The following WDR20 variants were observed in gnomAD, a reference collection of about 807,000 sequenced individuals.
WDR20 encodes the protein WD repeat domain 20.
A neutral mutation model predicts 38.7 loss-of-function variants in WDR20; 3 were observed. The observed-to-expected ratio is 0.08, with a 90% CI of 0.04 to 0.20. The LOEUF (loss-of-function observed/expected upper bound fraction) is 0.20. WDR20 is among the 10% of genes least tolerant of loss of function. The pLI, the probability that WDR20 is intolerant of heterozygous loss-of-function variation, is 1.00. For synonymous variants in WDR20, 298 were observed against 285.6 expected (o/e 1.04, Z -0.44); for missense variants, 559 against 727.7 (o/e 0.77, Z 2.67).
intron 1 of WDR20, among the ~76,000 whole-genome samples, chr14:102,192,591 T>A (rs1415693008): frequency 6.6e-6 from 1 of 152,198 alleles, no homozygotes; most frequent in Non-Finnish European, 1.5e-5. Flanking sequence ...TACCAATAAC[T>A]GAAGCCATTA....
At chr14:102,223,999 A>G (rs2064144005), downstream of WDR20, among the ~76,000 whole-genome samples, 1 of 150,918 alleles carries the variant, frequency 6.6e-6, no homozygotes, top group Non-Finnish European at 1.5e-5. Flanking sequence ...GAGTATGAAC[A>G]TGGGACATGA....
intron 1 of WDR20, among the ~76,000 whole-genome samples, chr14:102,174,699 G>T (rs570014354): frequency 6.6e-6 from 1 of 152,292 alleles, no homozygotes; most frequent in South Asian, 2.1e-4. Flanking sequence ...GACTACAGGC[G>T]TGAGCCACCA....
At chr14:102,212,812 T>C (rs2062726242), downstream of WDR20, 6 of 1,348,112 alleles carry the variant, frequency 4.5e-6, no homozygotes, top group African/African-American at 1.5e-5. Flanking sequence ...AGCTTCCTCA[T>C]TGAAATTTTT....
chr14:102,140,265 T>C (rs2050399896), intron 1 of WDR20, 93 bp downstream of exon 1: 1 of 1,543,050 alleles, frequency 6.5e-7, no homozygotes, highest in Non-Finnish European at 8.7e-7. Flanking sequence ...CCGAGAGGGG[T>C]GGCCGTCGCT....
chr14:102,186,734 G>A (rs182502372), intron 1 of WDR20, among the ~76,000 whole-genome samples: 7 of 152,060 alleles, frequency 4.6e-5, no homozygotes, highest in African/African-American at 1.7e-4. Flanking sequence ...GGCGGATCAC[G>A]AGGTCAGGAG....
chr14:102,200,467 TTGTGTGTGTGTGTGTGTGTG>T (rs71395660), intron 2 of WDR20, among the ~76,000 whole-genome samples: 9,995 of 117,718 alleles, frequency 0.085, 1,078 homozygotes, highest in African/African-American at 0.27. Context: ...ATTTTTTTTT[TTGTGTGTGTGTGTGTGTGTG>T]TGTGTGTGTG....
downstream of WDR20, chr14:102,214,473 A>G: frequency 1.0e-6 from 1 of 985,468 alleles, no homozygotes; most frequent in Non-Finnish European, 1.2e-6. Context: ...GTGCCCCTCC[A>G]GTAGAGGGAG....
chr14:102,151,171 G>T (rs1347995846), intron 1 of WDR20, among the ~76,000 whole-genome samples: 1 of 143,520 alleles, frequency 7.0e-6, no homozygotes, highest in Non-Finnish European at 1.5e-5. Context: ...ATCCATTGGG[G>T]AATTTTTTTT....
At chr14:102,194,910 T>G in intron 1 of WDR20, 28 bp from the exon 2 acceptor site, 1 of 1,608,574 alleles carries the variant, frequency 6.2e-7, no homozygotes, top group African/African-American at 1.3e-5. Context: ...TGCTGTTTAC[T>G]GTATGTATTT....
At chr14:102,212,640 T>A (rs1056281614), downstream of WDR20, 17 of 1,532,904 alleles carry the variant, frequency 1.1e-5, no homozygotes, top group Admixed American at 3.9e-5. Context: ...AGCGCCCTTC[T>A]CCTCGGCTGT....
At position 102,209,200 on chromosome 14, in the gene WDR20, C is replaced by G; in HGVS notation, c.1030C>G (p.Arg344Gly). ...AGACCTTCTTCATTTTGGCAGAGAT[C>G]GAGCAAATAGTACACAGTCCAGGCT... is the stretch of plus-strand genomic sequence containing the variant. Reference protein sequence around the residue: ...FQDLLHFGRDRANSTQSRLSK... With the variant: ...FQDLLHFGRDGANSTQSRLSK... Residue 344 changes from arginine (R) to glycine (G), a missense_variant, in exon 3 of 3, where the codon CGA becomes GGA. Physicochemically the swap from Arg to Gly is moderately radical, Grantham distance 125 (BLOSUM62 -2). Coordinates refer to ENST00000342702, the MANE Select transcript of WDR20 (RefSeq NM_144574.4). The surrounding 1 kb of genome is among the most constrained non-coding windows in gnomAD (Gnocchi z 6.0). 6.2e-7 allele frequency: 1 copy of G among 1,614,090 alleles called. No individual in the cohort carries two copies. Among genetic ancestry groups the G allele is most frequent in the Non-Finnish European group, 8.5e-7 (1 of 1,180,008 alleles).
intron 1 of WDR20, among the ~76,000 whole-genome samples, chr14:102,168,573 T>C (rs1023749914): frequency 6.6e-6 from 1 of 152,208 alleles, no homozygotes; most frequent in East Asian, 1.9e-4. Flanking sequence ...CCCAGTTTGG[T>C]ATGTAGATGA....
chr14:102,144,671 T>C lies in WDR20; in HGVS notation c.249+4499T>C, dbSNP rs1251461582. Among the ~76,000 whole-genome samples, 4 of 151,840 alleles carry C rather than the reference T, an allele frequency of 2.6e-5. No individual in the cohort carries two copies. The East Asian group carries it at 7.7e-4, about 29-fold the overall frequency. On this transcript the variant is annotated intron_variant, in intron 1 of 2. Transcript: ENST00000342702. ...TTTTTCTTTGAATCCCCATGGTGTA[T>C]CAGTTTTACCCTATTACATGTTTTT...
chr14:102,180,881 T>C (rs1307571575), intron 1 of WDR20, among the ~76,000 whole-genome samples: 2 of 152,218 alleles, frequency 1.3e-5, no homozygotes, highest in East Asian at 1.9e-4. Context: ...TCCTTGTATT[T>C]GCATACAGAA....
At chr14:102,182,364 G>A (rs563603212) in intron 1 of WDR20, among the ~76,000 whole-genome samples, 1 of 152,214 alleles carries the variant, frequency 6.6e-6, no homozygotes, top group East Asian at 1.9e-4. Flanking sequence ...TTGCCTGAAT[G>A]GTTGGCTTCT....
intron 2 of WDR20, among the ~76,000 whole-genome samples, chr14:102,198,138 T>C (rs2059726683): frequency 1.4e-5 from 2 of 140,178 alleles, no homozygotes. Context: ...TATTTATTTA[T>C]TTATTTATGA....
downstream of WDR20, among the ~76,000 whole-genome samples, chr14:102,217,892 G>C (rs1233656942): frequency 6.6e-6 from 1 of 152,216 alleles, no homozygotes; most frequent in Admixed American, 6.5e-5. Context: ...CATTTAACTC[G>C]TGTTCTCCCC....
intron 1 of WDR20, among the ~76,000 whole-genome samples, chr14:102,192,235 A>G (rs1381465727): frequency 6.6e-6 from 1 of 150,630 alleles, no homozygotes. Flanking sequence ...ACTGGAGTGC[A>G]GTGGCACGAT....
chr14:102,217,665 G>A (rs1397798751), downstream of WDR20, among the ~76,000 whole-genome samples: 1 of 152,242 alleles, frequency 6.6e-6, no homozygotes, highest in Non-Finnish European at 1.5e-5. Context: ...TGTAGAGACT[G>A]GCTTCGGGTG....
Sources: gnomAD v4.1 joint callset for allele counts (sites outside exome capture counted in the v4.1 genomes callset) on GRCh38, gnomAD v4.1.1 for gene constraint, Gnocchi (gnomAD v3.1) non-coding constraint, MANE v1.5 for transcripts, NCBI Gene and HGNC (gene_info 2026-07-23, HGNC 2026-07-21) for gene names.